HMCN1: variants seen among roughly 807,000 people sequenced by gnomAD.
HMCN1 encodes the protein hemicentin-1.
HMCN1 carries 321 observed loss-of-function variants against 625.9 expected under a neutral mutation model. That is an observed-to-expected ratio of 0.51 (90% CI 0.47 to 0.56). The LOEUF (loss-of-function observed/expected upper bound fraction) is 0.56. HMCN1 is among the 20% of genes least tolerant of loss of function. HMCN1 has a pLI of 0.00. For missense variants in HMCN1, 6,588 were observed against 6,887.3 expected, an observed-to-expected ratio of 0.96 and a Z score of 1.54; for synonymous variants, 2,425 against 2,417.6, an observed-to-expected ratio of 1.00 and a Z score of -0.09.
chr1:186,067,035 C>G (rs1417804264), intron 49 of HMCN1, among the ~76,000 whole-genome samples: 5 of 152,146 alleles, frequency 3.3e-5, no homozygotes, highest in African/African-American at 1.2e-4. Flanking sequence ...ACAAGATATT[C>G]AGAATGGAAC....
chr1:186,167,103 G>A lies in HMCN1; in HGVS notation c.15574+161G>A, dbSNP rs150963732. Among the ~76,000 whole-genome samples, 294 of 152,252 alleles carry A rather than the reference G, an allele frequency of 1.9e-3. 1 individual carries two copies. The highest frequency in any genetic ancestry group is 6.8e-3 in the Middle Eastern group (2 of 294). On this transcript the variant is annotated intron_variant, in intron 100 of 106. Transcript: ENST00000271588. ...CAGCAAGAGGGACTCCTGTCTCTCCGGAGGACTTAAACTTCATTTTATATG... is the reference window on the plus strand; with the variant it reads ...CAGCAAGAGGGACTCCTGTCTCTCCAGAGGACTTAAACTTCATTTTATATG...
chr1:185,832,294 A>G (rs1450481188), intron 1 of HMCN1, among the ~76,000 whole-genome samples: 1 of 152,170 alleles, frequency 6.6e-6, no homozygotes, highest in Non-Finnish European at 1.5e-5. Context: ...ACTCTCTCAA[A>G]AAAACAAAAA....
At chr1:185,948,853 C>T (rs1281329340) in intron 11 of HMCN1, among the ~76,000 whole-genome samples, 1 of 151,390 alleles carries the variant, frequency 6.6e-6, no homozygotes, top group African/African-American at 2.4e-5. Flanking sequence ...CTGCTTCAAG[C>T]GGGATTAGGG....
chr1:186,093,110 C>T, intron 64 of HMCN1, 24 bp from the exon 65 acceptor site: 2 of 1,612,818 alleles, frequency 1.2e-6, no homozygotes, highest in South Asian at 1.1e-5. Context: ...CATCTCAGCC[C>T]CTCTGTTATG....
At chr1:185,768,148 A>G (rs1655991532) in intron 1 of HMCN1, among the ~76,000 whole-genome samples, 2 of 152,184 alleles carry the variant, frequency 1.3e-5, no homozygotes, top group Admixed American at 1.3e-4. Context: ...CTAAACACCT[A>G]TCATGTCAAA....
At position 186,087,205 on chromosome 1, in the gene HMCN1, A is replaced by G. The variant is rs767424930; in HGVS notation, c.9047-12A>G. 23 of 1,559,836 alleles carry G rather than the reference A, an allele frequency of 1.5e-5. No individual in the cohort carries two copies. The highest frequency in any genetic ancestry group is 1.8e-5 in the Non-Finnish European group (20 of 1,131,166). On this transcript the variant is annotated splice_polypyrimidine_tract_variant and intron_variant, in intron 58 of 106. Transcript: ENST00000271588. ...TATACCACTCTACAATTTGCATTCT[A>G]TTTACCTACAGGTGGTCGAACTCTA...
intron 2 of HMCN1, among the ~76,000 whole-genome samples, chr1:185,849,424 A>C (rs1248173889): frequency 6.6e-6 from 1 of 152,216 alleles, no homozygotes; most frequent in Non-Finnish European, 1.5e-5. Context: ...TTGGGAGTTC[A>C]CATTGAAGGA....
At position 185,980,677 on chromosome 1, in the gene HMCN1, T is replaced by G. The variant is rs562937717; in HGVS notation, c.2567-301T>G. On this transcript the variant is annotated intron_variant, in intron 16 of 106. Transcript: ENST00000271588. ...ATTTTTCTAGTCATGCTCTTGCCTT[T>G]GTAACCGATTAGAACTGGACTGCCC... Among the ~76,000 whole-genome samples, 6 of 152,318 alleles carry G rather than the reference T, an allele frequency of 3.9e-5. No homozygotes were observed. In the South Asian group the frequency reaches 1.2e-3, roughly 32 times the overall value.
intron 11 of HMCN1, among the ~76,000 whole-genome samples, chr1:185,955,387 G>T (rs572897543): frequency 1.3e-5 from 2 of 152,030 alleles, no homozygotes; most frequent in Non-Finnish European, 2.9e-5. Context: ...AGAAAAAAAA[G>T]AAATAAAAAT....
At chr1:185,900,918 A>G (rs1230998205) in intron 4 of HMCN1, among the ~76,000 whole-genome samples, 2 of 151,924 alleles carry the variant, frequency 1.3e-5, no homozygotes, top group Non-Finnish European at 2.9e-5. Flanking sequence ...TATGTCAATC[A>G]AAATGAGTGC....
In HMCN1 at chr1:185,734,830, T is replaced by G; in HGVS notation, c.51T>G (p.Tyr17Ter). ...VHTVFLFALL[Y>*]SSLAQDASPQ... ...CAGTATTCCTGTTTGCTCTTCTTTA[T>G]TCTTCCCTAGCTCAAGATGCGAGCC... Residue 17 changes from tyrosine to a stop codon, truncating the protein, a stop_gained, in exon 1 of 107, where the codon TAT becomes TAG. Coordinates refer to ENST00000271588, the MANE Select transcript of HMCN1 (RefSeq NM_031935.3). LOFTEE classifies it high-confidence loss of function. 6.2e-7 allele frequency: 1 copy of G among 1,614,098 alleles called. No individual in the cohort carries two copies. The highest frequency in any genetic ancestry group is 8.5e-7 in the Non-Finnish European group (1 of 1,179,964).
At chr1:185,761,519 A>C (rs941956274) in intron 1 of HMCN1, among the ~76,000 whole-genome samples, 22 of 152,062 alleles carry the variant, frequency 1.4e-4, no homozygotes, top group African/African-American at 5.3e-4. Context: ...TTCACTTTTC[A>C]TTTTTACTGC....
Position 185,888,166 on chromosome 1 carries a change from TC to T in HMCN1, c.622-21170del, listed in dbSNP as rs1170157354. 3.4e-3 allele frequency among the ~76,000 whole-genome samples: 406 copies of T among 117,834 alleles called. 8 individuals carry two copies. Among genetic ancestry groups the T allele is most frequent in the African/African-American group, 0.016 (373 of 23,056 alleles). The allele number at this position is 117,834 out of a possible 152,430, so 77.3% of individuals were successfully genotyped here. On this transcript the variant is annotated intron_variant, in intron 4 of 106. Transcript: ENST00000271588. The stretch of plus-strand genomic sequence containing the variant: ...TTTTTGATGGGGTTGTTTGTTTTTT[TC>T]TTGTAAATTTGTTTGAGTTCATTGT...
At chr1:185,979,133 A>C (rs1448144161) in intron 16 of HMCN1, among the ~76,000 whole-genome samples, 1 of 152,180 alleles carries the variant, frequency 6.6e-6, no homozygotes, top group Non-Finnish European at 1.5e-5. Flanking sequence ...GGTAGTTTGC[A>C]GTCCATTCTC....
intron 36 of HMCN1, among the ~76,000 whole-genome samples, chr1:186,026,918 A>C (rs1295879332): frequency 6.7e-6 from 1 of 149,344 alleles, no homozygotes; most frequent in Non-Finnish European, 1.5e-5. Flanking sequence ...TACAGGTGTG[A>C]GCCACCATGC....
chr1:185,801,003 G>T (rs1242173748), intron 1 of HMCN1, among the ~76,000 whole-genome samples: 1 of 152,150 alleles, frequency 6.6e-6, no homozygotes, highest in Non-Finnish European at 1.5e-5. Flanking sequence ...AGCAAAAGAT[G>T]AGATGTTTTG....
In HMCN1 at chr1:186,137,301, G is replaced by A. The variant is rs367964158; in HGVS notation, c.13583-197G>A. Among the ~76,000 whole-genome samples, 17 of 152,262 alleles carry A rather than the reference G, an allele frequency of 1.1e-4. No individual in the cohort carries two copies. In the East Asian group the frequency reaches 1.7e-3, roughly 16 times the overall value. On this transcript the variant is annotated intron_variant, in intron 87 of 106. Coordinates refer to ENST00000271588, the MANE Select transcript of HMCN1 (RefSeq NM_031935.3). ...GCCATGTGCAAGTGAGTGAGGATTC[G>A]ATCTGAGAAGAAACTTTGGCTAACT...
At chr1:185,880,730 G>A (rs1664251051) in intron 4 of HMCN1, among the ~76,000 whole-genome samples, 1 of 152,236 alleles carries the variant, frequency 6.6e-6, no homozygotes, top group Non-Finnish European at 1.5e-5. Context: ...TTGAATGAAT[G>A]TTTGAAGGAA....
chr1:186,178,140 G>C (rs116110313), intron 103 of HMCN1, among the ~76,000 whole-genome samples: 3 of 152,122 alleles, frequency 2.0e-5, no homozygotes, highest in Non-Finnish European at 4.4e-5. Context: ...GTGTCTTGTT[G>C]TCTGAGCCAC....
Sources: gnomAD v4.1 joint callset for allele counts (sites outside exome capture counted in the v4.1 genomes callset) on GRCh38, gnomAD v4.1.1 for gene constraint, MANE v1.5 for transcripts, NCBI Gene and HGNC (gene_info 2026-07-23, HGNC 2026-07-21) for gene names.